SIPA1L3: variants seen among roughly 807,000 people sequenced by gnomAD.
SIPA1L3 encodes the protein signal-induced proliferation-associated 1-like protein 3.
Under a neutral mutation model 150.1 loss-of-function variants are expected in SIPA1L3, and 59 were observed. The ratio of observed to expected loss-of-function variants is 0.39; its 90% CI spans 0.32 to 0.49. SIPA1L3 has a LOEUF of 0.49. Among genes scored for constraint, SIPA1L3 ranks in the 20% least tolerant of loss-of-function variants. The pLI is 0.86. For missense variants in SIPA1L3, 2,211 were observed against 2,489.5 expected, an observed-to-expected ratio of 0.89 and a Z score of 2.38; for synonymous variants, 1,070 against 1,077.6, an observed-to-expected ratio of 0.99 and a Z score of 0.14.
intron 16 of SIPA1L3, chr19:38,184,351 T>C (rs1232663205): frequency 6.6e-6 from 1 of 152,260 alleles, no homozygotes; most frequent in East Asian, 1.9e-4. Context: ...GCTAATTTCG[T>C]ATTTTTAGTA....
intron 1 of SIPA1L3, among the ~76,000 whole-genome samples, chr19:38,006,935 G>A (rs73930327): frequency 3.9e-5 from 6 of 152,314 alleles, no homozygotes; most frequent in East Asian, 1.9e-4. Flanking sequence ...GGAATCAGTC[G>A]GGTTTGTCTG....
rs56132149 is a variant in SIPA1L3, at chr19:38,065,915, C to CTATTTATTTATTTATT, written c.-310-15323_-310-15308dup. On this transcript the variant is annotated intron_variant, in intron 2 of 21. Coordinates refer to ENST00000222345, the MANE Select transcript of SIPA1L3 (RefSeq NM_015073.3). ...CGGGTTTGATCTCTTATTTATTTAT[C>CTATTTATTTATTTATT]TATTTATTTATTTATTTATTTATTT... 5.4e-3 allele frequency among the ~76,000 whole-genome samples: 692 copies of CTATTTATTTATTTATT among 127,696 alleles called. 37 individuals are homozygous for CTATTTATTTATTTATT. Among genetic ancestry groups the CTATTTATTTATTTATT allele is most frequent in the East Asian group, 0.011 (49 of 4,432 alleles). 83.8% of individuals were successfully genotyped at this position (127,696 alleles called of 152,430 possible). A position where few individuals can be genotyped will look rare whatever the true frequency, so the allele number is the denominator to read the frequency against.
intron 2 of SIPA1L3, among the ~76,000 whole-genome samples, chr19:38,031,487 G>A (rs1968653186): frequency 6.6e-6 from 1 of 152,174 alleles, no homozygotes; most frequent in Non-Finnish European, 1.5e-5. Flanking sequence ...TTTGTTGGGT[G>A]TTTCAACTTG....
chr19:38,201,807 GCGGGAGAAGC>G, intron 19 of SIPA1L3, 45 bp from the exon 20 acceptor site: 1 of 1,545,102 alleles, frequency 6.5e-7, no homozygotes, highest in Non-Finnish European at 8.7e-7. Context: ...TCCGTCTGTT[GCGGGAGAAGC>G]CGGGAGCCTT....
intron 9 of SIPA1L3, 30 bp from the exon 10 acceptor site, chr19:38,130,468 C>A (rs1971278887): frequency 6.3e-7 from 1 of 1,590,328 alleles, no homozygotes; most frequent in East Asian, 2.2e-5. Flanking sequence ...CAAGCAGCTT[C>A]TGAGGCTCGA....
intron 18 of SIPA1L3, among the ~76,000 whole-genome samples, chr19:38,196,059 C>T (rs1015919216): frequency 5.3e-5 from 8 of 152,156 alleles, no homozygotes; most frequent in African/African-American, 1.7e-4. Context: ...CCCGTCTGGC[C>T]TCAGTGTGGC....
At chr19:37,958,345 A>G (rs1157071643) in intron 1 of SIPA1L3, among the ~76,000 whole-genome samples, 1 of 152,136 alleles carries the variant, frequency 6.6e-6, no homozygotes, top group African/African-American at 2.4e-5. Context: ...GGATCACCTG[A>G]GCCCAGAGGG....
At chr19:38,195,073 C>CAGCT (rs946206631) in intron 18 of SIPA1L3, among the ~76,000 whole-genome samples, 2 of 152,086 alleles carry the variant, frequency 1.3e-5, no homozygotes, top group Admixed American at 1.3e-4. Context: ...ACTTCCCCTG[C>CAGCT]AGCTCCGTTG....
intron 2 of SIPA1L3, among the ~76,000 whole-genome samples, chr19:38,041,874 C>A (rs563994619): frequency 6.6e-6 from 1 of 152,282 alleles, no homozygotes; most frequent in African/African-American, 2.4e-5. Flanking sequence ...CACACCTGGC[C>A]CTTTGCTAAT....
chr19:37,911,434 A>G (rs2046376675), intron 1 of SIPA1L3, among the ~76,000 whole-genome samples: 3 of 151,882 alleles, frequency 2.0e-5, no homozygotes, highest in Admixed American at 2.0e-4. Flanking sequence ...CTGTACCCAC[A>G]TTCTTCAGTG....
At chr19:37,934,725 A>G (rs1236466526) in intron 1 of SIPA1L3, among the ~76,000 whole-genome samples, 2 of 141,474 alleles carry the variant, frequency 1.4e-5, no homozygotes, top group East Asian at 4.3e-4. Flanking sequence ...CCATGGTAAC[A>G]ATCAAGGACT....
Position 37,992,115 on chromosome 19 carries a change from A to C in SIPA1L3, c.-378-36974A>C, listed in dbSNP as rs34354876. ...CCACCACTTCCAGCTCCAGGGCTTT[A>C]GGCAAGTGGCTTTAGCCTCCATTGG... On this transcript the variant is annotated intron_variant, in intron 1 of 21. Transcript: ENST00000222345. Among the ~76,000 whole-genome samples, 868 of 152,264 alleles carry C rather than the reference A, an allele frequency of 5.7e-3. 8 individuals are homozygous for C. Among genetic ancestry groups the C allele is most frequent in the African/African-American group, 0.02 (818 of 41,544 alleles).
chr19:37,974,515 A>C (rs1967028650), intron 1 of SIPA1L3, among the ~76,000 whole-genome samples: 1 of 79,292 alleles, frequency 1.3e-5, no homozygotes, highest in Non-Finnish European at 2.2e-5. Flanking sequence ...CCGTGTCTCA[A>C]AAAAAAAAAA....
chr19:38,156,654 A>G (rs1376802257), intron 13 of SIPA1L3, among the ~76,000 whole-genome samples: 1 of 151,670 alleles, frequency 6.6e-6, no homozygotes, highest in African/African-American at 2.4e-5. Flanking sequence ...ATGAAACCCT[A>G]TCTGTACCAA....
At chr19:38,119,192 C>G in intron 8 of SIPA1L3, 114 bp from the exon 9 acceptor site, 1 of 1,039,878 alleles carries the variant, frequency 9.6e-7, no homozygotes, top group Non-Finnish European at 1.4e-6. Context: ...TGAGACCTGT[C>G]TCGATAAAAC....
intron 18 of SIPA1L3, 44 bp downstream of exon 18, chr19:38,193,824 G>T: frequency 6.7e-7 from 1 of 1,495,282 alleles, no homozygotes; most frequent in South Asian, 1.3e-5. Flanking sequence ...TTACCCCAAG[G>T]TTGGGAGGTG....
chr19:37,921,664 G>A (rs1353936308), intron 1 of SIPA1L3, among the ~76,000 whole-genome samples: 4 of 150,402 alleles, frequency 2.7e-5, no homozygotes, highest in Admixed American at 1.3e-4. Context: ...GCAGTGGCAC[G>A]ATCACAACTC....
At chr19:38,000,983 C>CATATA (rs1272228782) in intron 1 of SIPA1L3, among the ~76,000 whole-genome samples, 1 of 145,300 alleles carries the variant, frequency 6.9e-6, no homozygotes, top group African/African-American at 2.5e-5. Context: ...ATATATAACA[C>CATATA]ACATATATAT....
In SIPA1L3 at chr19:38,088,857, T is replaced by TC. The variant is rs1366190540; in HGVS notation, c.1665+9dup. On this transcript the variant is annotated splice_region_variant and intron_variant, in intron 4 of 21. Transcript: ENST00000222345. Reference sequence around the variant, plus strand: ...TCATCTTCCGGACCCGCGAGGTAGGTCCCATCACTCTCGTTCTTATTAAAG... The same window carrying TC: ...TCATCTTCCGGACCCGCGAGGTAGGTCCCCATCACTCTCGTTCTTATTAAAG... 13 of 1,613,258 alleles carry TC rather than the reference T, an allele frequency of 8.1e-6. No homozygotes were observed. Among genetic ancestry groups the TC allele is most frequent in the Non-Finnish European group, 1.1e-5 (13 of 1,179,580 alleles).
Sources: gnomAD v4.1 joint callset for allele counts (sites outside exome capture counted in the v4.1 genomes callset) on GRCh38, gnomAD v4.1.1 for gene constraint, MANE v1.5 for transcripts, NCBI Gene and HGNC (gene_info 2026-07-23, HGNC 2026-07-21) for gene names.